Variants in CREB1 observed in about 807,000 individuals in gnomAD.
CREB1 encodes cyclic AMP-responsive element-binding protein 1.
In CREB1, 2 loss-of-function variants were observed where a neutral mutation model predicts 42.0. That is an observed-to-expected ratio of 0.05 (90% CI 0.02 to 0.15). The LOEUF is 0.15. CREB1 is among the 10% of genes least tolerant of loss of function. CREB1 has a pLI of 1.00. For synonymous variants in CREB1, 123 were observed against 139.9 expected, an observed-to-expected ratio of 0.88 and a Z score of 0.85; for missense variants, 199 against 388.9, an observed-to-expected ratio of 0.51 and a Z score of 4.11.
At chr2:207,568,995 A>G (rs2106534333) in intron 4 of CREB1, among the ~76,000 whole-genome samples, 1 of 152,190 alleles carries the variant, frequency 6.6e-6, no homozygotes, top group East Asian at 1.9e-4. Flanking sequence ...TCTCTCGTTT[A>G]TCCATCCTGA....
At position 207,572,633 on chromosome 2, in the gene CREB1, G is replaced by A. The variant is rs1484334644; in HGVS notation, c.505+2312G>A. Among the ~76,000 whole-genome samples the A allele has an allele frequency of 6.6e-5, 10 of 152,090 alleles. No individual in the cohort carries two copies. The East Asian group carries it at 7.7e-4, about 12-fold the overall frequency. On this transcript the variant is annotated intron_variant, in intron 5 of 7. Coordinates refer to ENST00000353267, the MANE Select transcript of CREB1 (RefSeq NM_004379.5). ...AATTATCGACCATCCTGGCTAACAC[G>A]GTGAAAACCCGTCTCTACTAAAAAT...
chr2:207,591,890 C>G (rs1484523181), intron 7 of CREB1, among the ~76,000 whole-genome samples: 1 of 152,144 alleles, frequency 6.6e-6, no homozygotes, highest in Non-Finnish European at 1.5e-5. Context: ...GATTGGCAAA[C>G]TATGGCACAA....
intron 1 of CREB1, among the ~76,000 whole-genome samples, chr2:207,548,025 C>T (rs532669340): frequency 6.6e-6 from 1 of 152,104 alleles, no homozygotes; most frequent in Admixed American, 6.5e-5. Flanking sequence ...ACCCCCACCT[C>T]CCGGGTACAG....
intron 7 of CREB1, among the ~76,000 whole-genome samples, chr2:207,579,347 A>G (rs1029264700): frequency 6.6e-6 from 1 of 152,206 alleles, no homozygotes; most frequent in African/African-American, 2.4e-5. Flanking sequence ...TTACTAAAGA[A>G]AAGAGTTCAA....
intron 1 of CREB1, among the ~76,000 whole-genome samples, chr2:207,553,379 T>G (rs913059687): frequency 1.3e-5 from 2 of 152,092 alleles, no homozygotes; most frequent in Non-Finnish European, 1.5e-5. Flanking sequence ...CAGGTAAACT[T>G]TTGTTGTTGT....
chr2:207,544,225 A>G (rs2081214674), intron 1 of CREB1, among the ~76,000 whole-genome samples: 1 of 152,210 alleles, frequency 6.6e-6, no homozygotes, highest in South Asian at 2.1e-4. Flanking sequence ...TTTTTAAGCA[A>G]TATTAGTTTA....
At chr2:207,531,983 G>GT (rs2080650698) in intron 1 of CREB1, among the ~76,000 whole-genome samples, 1 of 152,162 alleles carries the variant, frequency 6.6e-6, no homozygotes, top group African/African-American at 2.4e-5. Flanking sequence ...AAAAATTATA[G>GT]TATTGATAAT....
chr2:207,575,234 G>T (rs1484206070), intron 5 of CREB1, 38 bp from the exon 6 acceptor site: 1 of 1,583,796 alleles, frequency 6.3e-7, no homozygotes, highest in Non-Finnish European at 8.6e-7. Flanking sequence ...GTCTTATATG[G>T]TATTAAACTT....
In CREB1 at chr2:207,596,917, A is replaced by G; in HGVS notation, c.843A>G (p.Glu281=). 6.2e-7 allele frequency: 1 copy of G among 1,605,544 alleles called. No individual in the cohort carries two copies. The highest frequency in any genetic ancestry group is 8.5e-7 in the Non-Finnish European group (1 of 1,177,852). ...TCCCGTCCTCTTTTGCTTGTAGGGA[A>G]GCAGCTCGAGAGTGTCGTAGAAAGA... ...KREVRLMKNR[E]AARECRRKKK... Residue 281 remains glutamate, a synonymous_variant, in exon 8 of 8, where the codon GAA becomes GAG. Coordinates refer to ENST00000353267, the MANE Select transcript of CREB1 (RefSeq NM_004379.5).
rs992785423 is a variant in CREB1 at position 207,570,046 on chromosome 2, A to C, written c.363-133A>C. The C allele has an allele frequency of 2.1e-5, 13 of 606,392 alleles. No homozygotes were observed. The East Asian group carries it at 4.3e-4, about 20-fold the overall frequency. The allele number at this position is 606,392 out of a possible 1,614,324, so 37.6% of individuals were successfully genotyped here. A position where few individuals can be genotyped will look rare whatever the true frequency, so the allele number is the denominator to read the frequency against. ...ACAGAGCAAGACTCCATCTCAAAAA[A>C]AAAAAAAAAAAAAAAACCTTCTGTC... On this transcript the variant is annotated intron_variant, in intron 4 of 7. Coordinates refer to ENST00000353267, the MANE Select transcript of CREB1 (RefSeq NM_004379.5).
chr2:207,556,642 G>A (rs1336851501), intron 2 of CREB1, among the ~76,000 whole-genome samples: 1 of 152,208 alleles, frequency 6.6e-6, no homozygotes, highest in South Asian at 2.1e-4. Context: ...GTCAGAAGGA[G>A]TGAGCTGTTC....
At chr2:207,583,041 A>G (rs1465046688) in intron 7 of CREB1, among the ~76,000 whole-genome samples, 1 of 152,142 alleles carries the variant, frequency 6.6e-6, no homozygotes, top group Non-Finnish European at 1.5e-5. Flanking sequence ...AAGTAACAAT[A>G]TAACAATTTT....
chr2:207,575,436 A>G lies in CREB1; in HGVS notation c.670A>G (p.Asn224Asp), dbSNP rs1285250846. The G allele has an allele frequency of 6.2e-7, 1 of 1,611,690 alleles. No homozygotes were observed. The highest frequency in any genetic ancestry group is 8.5e-7 in the Non-Finnish European group (1 of 1,178,362). The part of the protein sequence containing the change: ...TDGQQILVPS[N>D]QVVVQAASGD... The stretch of plus-strand genomic sequence containing the variant: ...TGGACAGCAGATCTTAGTGCCCAGC[A>G]ACCAAGTTGTTGTTCAAGGTAAGGG... Residue 224 changes from asparagine to aspartate, a missense_variant, in exon 6 of 8, where the codon AAC becomes GAC. Around this residue, in one of 4 missense-constraint regions of CREB1, gnomAD observed 66 missense variants for 88.1 expected, o/e 0.75. Coordinates refer to ENST00000353267, the MANE Select transcript of CREB1 (RefSeq NM_004379.5).
In CREB1 at chr2:207,599,589, G is replaced by C. The variant is rs1194776978; in HGVS notation, c.*2531G>C. On this transcript the variant is annotated 3_prime_UTR_variant, in exon 8 of 8. Coordinates refer to ENST00000353267, the MANE Select transcript of CREB1 (RefSeq NM_004379.5). ...CTGGTTTTGAAGTCAGTTGCTTAAT[G>C]ATGAGGTGAGAAATGTATCCTGTTG... is the stretch of plus-strand genomic sequence containing the variant. 2.0e-5 allele frequency: 4 copies of C among 198,130 alleles called. No homozygotes were observed. The highest frequency in any genetic ancestry group is 4.2e-5 in the Non-Finnish European group (4 of 95,664). 12.3% of individuals were successfully genotyped at this position (198,130 alleles called of 1,614,324 possible).
intron 1 of CREB1, among the ~76,000 whole-genome samples, chr2:207,536,521 C>T (rs370407345): frequency 1.3e-5 from 2 of 151,982 alleles, no homozygotes; most frequent in African/African-American, 2.4e-5. Context: ...CACCATTGCA[C>T]GCCAGGCTGG....
intron 1 of CREB1, among the ~76,000 whole-genome samples, chr2:207,547,587 A>G (rs1257940694): frequency 6.6e-6 from 1 of 152,150 alleles, no homozygotes; most frequent in Non-Finnish European, 1.5e-5. Flanking sequence ...TCAAAGTGTA[A>G]AAAGCTGTGA....
At chr2:207,536,877 C>G (rs2080895251) in intron 1 of CREB1, among the ~76,000 whole-genome samples, 1 of 151,852 alleles carries the variant, frequency 6.6e-6, no homozygotes, top group Non-Finnish European at 1.5e-5. Context: ...GTAGTCCCAG[C>G]TGCTTGGGAG....
chr2:207,597,473 G>C lies in CREB1; in HGVS notation c.*415G>C. The C allele has an allele frequency of 4.4e-6, 1 of 225,722 alleles. No individual in the cohort carries two copies. Among genetic ancestry groups the C allele is most frequent in the Non-Finnish European group, 8.8e-6 (1 of 113,632 alleles). The allele number at this position is 225,722 out of a possible 1,614,324, so 14.0% of individuals were successfully genotyped here. A position where few individuals can be genotyped will look rare whatever the true frequency, so the allele number is the denominator to read the frequency against. On this transcript the variant is annotated 3_prime_UTR_variant, in exon 8 of 8. Transcript: ENST00000353267. ...CTTGAGCTGAAGTAATGTGTGGGCC[G>C]CATGCATAAAGTAAGTAAGGTGCAA...
intron 1 of CREB1, among the ~76,000 whole-genome samples, chr2:207,549,188 G>A (rs2081406473): frequency 6.6e-6 from 1 of 152,206 alleles, no homozygotes; most frequent in African/African-American, 2.4e-5. Flanking sequence ...GTTGATCTAT[G>A]TTGAGGAGTG....
Sources: allele counts gnomAD v4.1 joint callset (sites outside exome capture counted in the v4.1 genomes callset), GRCh38; gene constraint gnomAD v4.1.1; regional missense constraint gnomAD v4.1.1; transcripts MANE v1.5; gene names NCBI Gene and HGNC (gene_info 2026-07-23, HGNC 2026-07-21).